The following PHF24 variants were observed in gnomAD, a reference collection of about 807,000 sequenced individuals.
PHF24 encodes Galpha inhibitory interacting protein.
In PHF24, 25 loss-of-function variants were observed where a neutral mutation model predicts 42.6. The observed-to-expected ratio is 0.59, with a 90% CI of 0.43 to 0.82. The LOEUF is 0.82. Among genes scored for constraint, PHF24 ranks in the 40% least tolerant of loss-of-function variants. PHF24 has a pLI of 0.00. For missense variants in PHF24, 470 were observed against 538.1 expected (o/e 0.87, Z 1.25); for synonymous variants, 185 against 204.8 (o/e 0.90, Z 0.83).
At chr9:34,958,109 C>T (rs961641553), upstream of PHF24, among the ~76,000 whole-genome samples, 1 of 149,068 alleles carries the variant, frequency 6.7e-6, no homozygotes, top group African/African-American at 2.4e-5. The surrounding 1 kb of genome is among the most constrained non-coding windows in gnomAD (Gnocchi z 4.5). Context: ...GAGGGCGTCT[C>T]CTGGAGGCGC....
the PHF24 span, among the ~76,000 whole-genome samples, chr9:34,717,918 C>G: frequency 6.6e-6 from 1 of 152,158 alleles, no homozygotes; most frequent in Non-Finnish European, 1.5e-5. Flanking sequence ...GAACTAGTTT[C>G]TGAGTGGCAC....
At chr9:34,895,640 A>G in the PHF24 span, 2 of 401,130 alleles carry the variant, frequency 5.0e-6, no homozygotes, top group African/African-American at 2.1e-5. Context: ...CACTTGCCAA[A>G]TAATTAATGC....
the PHF24 span, among the ~76,000 whole-genome samples, chr9:34,794,769 A>G: frequency 0.9 from 136,804 of 152,192 alleles, 62,509 homozygotes; most frequent in Non-Finnish European, 0.99. Flanking sequence ...TAAATTATTC[A>G]ATTTAGACAA....
the PHF24 span, among the ~76,000 whole-genome samples, chr9:34,944,167 C>T: frequency 6.6e-6 from 1 of 152,142 alleles, no homozygotes; most frequent in South Asian, 2.1e-4. Flanking sequence ...AGGGTTCTTG[C>T]CAGGGTGTTA....
the PHF24 span, among the ~76,000 whole-genome samples, chr9:34,931,835 C>T: frequency 3.3e-5 from 5 of 152,120 alleles, no homozygotes; most frequent in Admixed American, 3.3e-4. Flanking sequence ...AACAAACACA[C>T]TAGGCAAGAA....
the PHF24 span, among the ~76,000 whole-genome samples, chr9:34,788,508 C>T: frequency 6.6e-6 from 1 of 152,156 alleles, no homozygotes; most frequent in Non-Finnish European, 1.5e-5. Flanking sequence ...GAAATACCAG[C>T]TTTATGAATT....
chr9:34,687,214 G>T, the PHF24 span, among the ~76,000 whole-genome samples: 1 of 152,138 alleles, frequency 6.6e-6, no homozygotes, highest in South Asian at 2.1e-4. Context: ...AGGGTCAATT[G>T]AATCCAAGGC....
At chr9:34,930,257 A>G in the PHF24 span, among the ~76,000 whole-genome samples, 1 of 152,174 alleles carries the variant, frequency 6.6e-6, no homozygotes, top group Non-Finnish European at 1.5e-5. Flanking sequence ...TGTGTCGGGG[A>G]TAACCTGGTT....
the PHF24 span, among the ~76,000 whole-genome samples, chr9:34,781,494 G>T: frequency 6.6e-6 from 1 of 152,072 alleles, no homozygotes; most frequent in Admixed American, 6.5e-5. Context: ...TTTTTGTTTG[G>T]GTTGGTGAAA....
At chr9:34,752,507 C>T in the PHF24 span, among the ~76,000 whole-genome samples, 1 of 152,126 alleles carries the variant, frequency 6.6e-6, no homozygotes, top group African/African-American at 2.4e-5. Flanking sequence ...AAAACCTGAA[C>T]AGTTCAGTAA....
the PHF24 span, among the ~76,000 whole-genome samples, chr9:34,886,783 C>CTG: frequency 2.7e-5 from 2 of 72,778 alleles, no homozygotes; most frequent in African/African-American, 9.4e-5. Flanking sequence ...TGTCTGTCTA[C>CTG]TCTGTCTATC....
the PHF24 span, chr9:34,918,424 T>G: frequency 3.1e-6 from 1 of 318,238 alleles, no homozygotes; most frequent in Non-Finnish European, 5.9e-6. Flanking sequence ...AAAAAAAAAA[T>G]CATGGGGAAT....
the PHF24 span, among the ~76,000 whole-genome samples, chr9:34,708,352 C>T: frequency 6.6e-6 from 1 of 152,200 alleles, no homozygotes; most frequent in Admixed American, 6.5e-5. Context: ...GTTTTTCCAT[C>T]TGGAAGGAGG....
chr9:34,917,057 G>T, the PHF24 span: 1 of 647,778 alleles, frequency 1.5e-6, no homozygotes, highest in Non-Finnish European at 2.8e-6. Context: ...AGTCAAGAGT[G>T]GGTGAAGAGC....
At chr9:34,884,372 T>TA in the PHF24 span, among the ~76,000 whole-genome samples, 2 of 152,254 alleles carry the variant, frequency 1.3e-5, no homozygotes, top group African/African-American at 4.8e-5. Flanking sequence ...TTAAAGCATT[T>TA]AAAAAAAGAA....
the PHF24 span, among the ~76,000 whole-genome samples, chr9:34,875,937 CACACACACACACACTCTCTCTCTCTCTCT>C: frequency 1.2e-5 from 1 of 86,428 alleles, no homozygotes; most frequent in African/African-American, 4.5e-5. Flanking sequence ...CACACACACA[CACACACACACACACTCTCTCTCTCTCTCT>C]CTCTCTCTCT....
chr9:34,739,613 C>T, the PHF24 span, among the ~76,000 whole-genome samples: 1 of 152,076 alleles, frequency 6.6e-6, no homozygotes, highest in Non-Finnish European at 1.5e-5. Context: ...GAGTTTCTTC[C>T]TTCCAGTGGG....
the PHF24 span, among the ~76,000 whole-genome samples, chr9:34,857,599 T>G: frequency 6.6e-6 from 1 of 152,192 alleles, no homozygotes; most frequent in Admixed American, 6.5e-5. Flanking sequence ...CCACTGTTTT[T>G]CCTCACTATC....
the PHF24 span, among the ~76,000 whole-genome samples, chr9:34,829,958 TG>T: frequency 6.6e-6 from 1 of 152,238 alleles, no homozygotes; most frequent in Non-Finnish European, 1.5e-5. Context: ...GATAGAGTTT[TG>T]TGTCAGTTGT....
Sources: gnomAD v4.1 joint callset for allele counts (sites outside exome capture counted in the v4.1 genomes callset) on GRCh38, gnomAD v4.1.1 for gene constraint, Gnocchi (gnomAD v3.1) non-coding constraint, MANE v1.5 for transcripts, NCBI Gene and HGNC (gene_info 2026-07-23, HGNC 2026-07-21) for gene names.